The following MTPAP variants were observed in gnomAD, a reference collection of about 807,000 sequenced individuals.
The protein encoded by MTPAP is poly(A) RNA polymerase, mitochondrial.
Under a neutral mutation model 48.7 loss-of-function variants are expected in MTPAP, and 23 were observed. That is an observed-to-expected ratio of 0.47 (90% CI 0.34 to 0.67). MTPAP has a LOEUF of 0.67. Among genes scored for constraint, MTPAP ranks in the 30% least tolerant of loss-of-function variants. MTPAP has a pLI of 0.01. For missense variants in MTPAP, 614 were observed against 694.3 expected, an observed-to-expected ratio of 0.88 and a Z score of 1.30; for synonymous variants, 257 against 254.1, an observed-to-expected ratio of 1.01 and a Z score of -0.11.
chr10:30,342,042 C>A (rs975821942), intron 1 of MTPAP, among the ~76,000 whole-genome samples: 3 of 152,118 alleles, frequency 2.0e-5, no homozygotes, highest in African/African-American at 7.2e-5. Flanking sequence ...AGTTCGAGAT[C>A]AGCCTGACCA....
At chr10:30,339,962 A>G in intron 3 of MTPAP, 1 of 494,130 alleles carries the variant, frequency 2.0e-6, no homozygotes, top group Non-Finnish European at 3.7e-6. Context: ...GCCAGTCATC[A>G]ATACCATCTC....
chr10:30,349,184 C>A lies in MTPAP; in HGVS notation c.92G>T (p.Ser31Ile). Residue 31 changes from serine to isoleucine, a missense_variant, in exon 1 of 9, where the codon AGT becomes ATT. By Grantham distance (142) the Ser-to-Ile change is moderately radical (BLOSUM62 -2). This residue lies in a region of MTPAP where 125 missense variants were observed against 111.5 expected (regional missense o/e 1.12). Coordinates refer to ENST00000263063, the MANE Select transcript of MTPAP (RefSeq NM_018109.4). ...GTCTTTGGCCACAGTTCCTGGGCAACTCAAAAGCCTGACGATAGGCCGCTG... is the reference window on the plus strand; with the variant it reads ...GTCTTTGGCCACAGTTCCTGGGCAAATCAAAAGCCTGACGATAGGCCGCTG... ...RVQRPIVRLL[S>I]CPGTVAKDLR... The A allele has an allele frequency of 6.2e-7, 1 of 1,600,644 alleles. No homozygotes were observed. Among genetic ancestry groups the A allele is most frequent in the Non-Finnish European group, 8.5e-7 (1 of 1,172,802 alleles).
Position 30,337,022 on chromosome 10 carries a change from GTCTA to G in MTPAP, c.557_560del (p.Ile186ThrfsTer4). 1.9e-6 allele frequency: 3 copies of G among 1,612,098 alleles called. No homozygotes were observed. The highest frequency in any genetic ancestry group is 2.5e-6 in the Non-Finnish European group (3 of 1,179,126). ...CCTTCAAGAGAGTGTTCAGCTGATC[GTCTA>G]TCTAGCTAGCCGAAACAAAACCAAC... On this transcript the variant is annotated frameshift_variant and splice_region_variant, in exon 4 of 9. Transcript: ENST00000263063. LOFTEE classifies it high-confidence loss of function.
intron 1 of MTPAP, among the ~76,000 whole-genome samples, chr10:30,346,777 A>G (rs1307163237): frequency 6.6e-6 from 1 of 152,156 alleles, no homozygotes; most frequent in East Asian, 1.9e-4. Context: ...TGTCACACTT[A>G]TCCCCCACCC....
At chr10:30,329,859 C>T (rs1205978263) in intron 4 of MTPAP, among the ~76,000 whole-genome samples, 1 of 151,862 alleles carries the variant, frequency 6.6e-6, no homozygotes, top group Non-Finnish European at 1.5e-5. Flanking sequence ...GAGTATTTTG[C>T]GGCCACTGAG....
chr10:30,334,988 A>G (rs1161223602), intron 4 of MTPAP, among the ~76,000 whole-genome samples: 1 of 152,256 alleles, frequency 6.6e-6, no homozygotes, highest in Non-Finnish European at 1.5e-5. Context: ...AATGGTTAGC[A>G]AAGCTAAAAT....
chr10:30,318,773 A>C (rs1236657992), intron 6 of MTPAP, among the ~76,000 whole-genome samples: 1 of 152,232 alleles, frequency 6.6e-6, no homozygotes, highest in African/African-American at 2.4e-5. Flanking sequence ...CTACATAGTG[A>C]ACTCCTACTA....
At chr10:30,315,252 G>A (rs150431453) in intron 8 of MTPAP, among the ~76,000 whole-genome samples, 53 of 152,288 alleles carry the variant, frequency 3.5e-4, no homozygotes, top group African/African-American at 1.3e-3. Context: ...AAGAGGGAAG[G>A]ATGAAAAACG....
chr10:30,320,516 T>C (rs990327873), intron 6 of MTPAP, among the ~76,000 whole-genome samples: 1 of 152,112 alleles, frequency 6.6e-6, no homozygotes, highest in African/African-American at 2.4e-5. Flanking sequence ...AGCAAGACCC[T>C]TTCTTAAAAT....
chr10:30,324,123 A>C (rs1834552005), intron 5 of MTPAP, among the ~76,000 whole-genome samples: 1 of 152,184 alleles, frequency 6.6e-6, no homozygotes, highest in East Asian at 1.9e-4. Context: ...TAGAGGCTGC[A>C]GTGTGCCAAA....
Position 30,333,893 on chromosome 10 carries a change from C to T in MTPAP, c.780+2910G>A, listed in dbSNP as rs114070110. Among the ~76,000 whole-genome samples, 1,079 of 151,762 alleles carry T rather than the reference C, an allele frequency of 7.1e-3. 21 individuals carry two copies. The highest frequency in any genetic ancestry group is 0.025 in the African/African-American group (1,020 of 41,154). On this transcript the variant is annotated intron_variant, in intron 4 of 8. Transcript: ENST00000263063. ...CTCTAGCCTGGGCAAAAGAGTGAGACCTCATCTCAAAATAGTAATAATAAT... is the reference window on the plus strand; with the variant it reads ...CTCTAGCCTGGGCAAAAGAGTGAGATCTCATCTCAAAATAGTAATAATAAT...
intron 1 of MTPAP, 150 bp from the exon 2 acceptor site, chr10:30,341,790 A>G (rs911819321): frequency 1.2e-6 from 1 of 825,646 alleles, no homozygotes; most frequent in Non-Finnish European, 2.0e-6. Context: ...AAACTATACT[A>G]CAGTAGTCTC....
At chr10:30,327,059 G>A (rs1044597121) in intron 4 of MTPAP, among the ~76,000 whole-genome samples, 1 of 152,098 alleles carries the variant, frequency 6.6e-6, no homozygotes, top group Non-Finnish European at 1.5e-5. Context: ...ATCAGTAGAA[G>A]AAAGAAGACT....
chr10:30,328,225 G>A (rs1044677946), intron 4 of MTPAP, among the ~76,000 whole-genome samples: 1 of 152,156 alleles, frequency 6.6e-6, no homozygotes, highest in African/African-American at 2.4e-5. Context: ...AGTTGTGCAT[G>A]TTTTCTAGAA....
In MTPAP at chr10:30,341,524, G is replaced by GA; in HGVS notation, c.273dup (p.Leu92SerfsTer2). 6.2e-7 allele frequency: 1 copy of GA among 1,613,920 alleles called. No individual in the cohort carries two copies. Among genetic ancestry groups the GA allele is most frequent in the Non-Finnish European group, 8.5e-7 (1 of 1,179,896 alleles). On this transcript the variant is annotated frameshift_variant, in exon 2 of 9. Coordinates refer to ENST00000263063, the MANE Select transcript of MTPAP (RefSeq NM_018109.4). LOFTEE classifies it high-confidence loss of function. ...GGTCCAAATTGGGATAAATATTTAA[G>GA]AAACTTGTTTTCACTGATTTTCTCT... is the stretch of plus-strand genomic sequence containing the variant.
chr10:30,322,413 T>C lies in MTPAP; in HGVS notation c.1197A>G (p.Leu399=), dbSNP rs776052438. 10 of 1,610,114 alleles carry C rather than the reference T, an allele frequency of 6.2e-6. No homozygotes were observed. In the African/African-American group the frequency reaches 9.4e-5, roughly 15 times the overall value. Residue 399 remains leucine (L), a synonymous_variant, in exon 6 of 9, where the codon CTA becomes CTG. Transcript: ENST00000263063. ...QRRSPPILPT[L]DSLKTLADAE... ...TACCTGCTAGGGTTTTTAAGGAATC[T>C]AGTGTTGGAAGAATAGGGGGTGATC...
At position 30,322,626 on chromosome 10, in the gene MTPAP, A is replaced by C. The variant is rs1175954692; in HGVS notation, c.993-9T>G. 1.3e-6 allele frequency: 2 copies of C among 1,588,636 alleles called. No individual in the cohort carries two copies. Among genetic ancestry groups the C allele is most frequent in the Admixed American group, 1.7e-5 (1 of 58,386 alleles). Reference sequence around the variant, plus strand: ...AACTTGTCAAGGCAATCCTTCAAAAAATAAAAATAAGAAAAATGTTCAAAT... The same window carrying C: ...AACTTGTCAAGGCAATCCTTCAAAACATAAAAATAAGAAAAATGTTCAAAT... On this transcript the variant is annotated splice_polypyrimidine_tract_variant and intron_variant, in intron 5 of 8. Transcript: ENST00000263063.
Position 30,340,468 on chromosome 10 carries a change from G to GA in MTPAP, c.331-19dup, listed in dbSNP as rs752727974. 17 of 1,545,726 alleles carry GA rather than the reference G, an allele frequency of 1.1e-5. No individual in the cohort carries two copies. Among genetic ancestry groups the GA allele is most frequent in the South Asian group, 5.6e-5 (5 of 89,638 alleles). On this transcript the variant is annotated intron_variant, in intron 2 of 8. Transcript: ENST00000263063. ...TAGAGACCCTATACCAAAAACATAA[G>GA]AAAAAACAGAACACATTTCACGATA...
At chr10:30,323,213 AAGGCTG>A (rs2132850918) in intron 5 of MTPAP, among the ~76,000 whole-genome samples, 1 of 150,152 alleles carries the variant, frequency 6.7e-6, no homozygotes, top group Non-Finnish European at 1.5e-5. Flanking sequence ...AGCCCTTTGG[AAGGCTG>A]AGGCGGGCGG....
Sources: allele counts gnomAD v4.1 joint callset (sites outside exome capture counted in the v4.1 genomes callset), GRCh38; gene constraint gnomAD v4.1.1; regional missense constraint gnomAD v4.1.1; transcripts MANE v1.5; gene names NCBI Gene and HGNC (gene_info 2026-07-23, HGNC 2026-07-21).